KCND2: variants seen among roughly 807,000 people sequenced by gnomAD.
KCND2 encodes the protein potassium voltage-gated channel subfamily D member 2.
A neutral mutation model predicts 54.4 loss-of-function variants in KCND2; 16 were observed. That is an observed-to-expected ratio of 0.29 (90% CI 0.20 to 0.45). KCND2 has a LOEUF of 0.45. Among genes scored for constraint, KCND2 ranks in the 20% least tolerant of loss-of-function variants. The pLI, the probability that KCND2 is intolerant of heterozygous loss-of-function variation, is 1.00. For missense variants in KCND2, 486 were observed against 824.2 expected, an observed-to-expected ratio of 0.59 and a Z score of 5.02; for synonymous variants, 317 against 310.7, an observed-to-expected ratio of 1.02 and a Z score of -0.21.
rs1233162089 is a variant in KCND2, at chr7:120,273,256, G to A, written c.-1377G>A. ...TGATCGCACTAGCAGAGCAGCGCGGGGAGCCCGGGGAGATGCAGGACCACC... is the reference window on the plus strand; with the variant it reads ...TGATCGCACTAGCAGAGCAGCGCGGAGAGCCCGGGGAGATGCAGGACCACC... On this transcript the variant is annotated 5_prime_UTR_variant, in exon 1 of 6. Coordinates refer to ENST00000331113, the MANE Select transcript of KCND2 (RefSeq NM_012281.3). 3.9e-5 allele frequency among the ~76,000 whole-genome samples: 6 copies of A among 151,900 alleles called. No individual in the cohort carries two copies. Among genetic ancestry groups the A allele is most frequent in the African/African-American group, 9.6e-5 (4 of 41,530 alleles).
chr7:120,360,217 A>T (rs1800573620), intron 1 of KCND2, among the ~76,000 whole-genome samples: 1 of 152,056 alleles, frequency 6.6e-6, no homozygotes, highest in South Asian at 2.1e-4. Flanking sequence ...AATTTACTGA[A>T]CTTTATTATC....
At chr7:120,538,906 A>G (rs190313218) in intron 1 of KCND2, among the ~76,000 whole-genome samples, 1 of 152,248 alleles carries the variant, frequency 6.6e-6, no homozygotes, top group Admixed American at 6.5e-5. Flanking sequence ...CTGTTTATTT[A>G]TTTAACTTAT....
chr7:120,330,883 A>T (rs1800057918), intron 1 of KCND2, among the ~76,000 whole-genome samples: 1 of 152,142 alleles, frequency 6.6e-6, no homozygotes. Context: ...CTTTAAAAAT[A>T]CCTTACAAAC....
intron 1 of KCND2, among the ~76,000 whole-genome samples, chr7:120,519,823 T>G (rs1030730307): frequency 2.0e-5 from 3 of 152,152 alleles, no homozygotes; most frequent in Non-Finnish European, 4.4e-5. Context: ...GTTTTTACAC[T>G]CGAGCCTGAT....
intron 1 of KCND2, among the ~76,000 whole-genome samples, chr7:120,664,378 A>G (rs1791900302): frequency 6.6e-6 from 1 of 152,002 alleles, no homozygotes. Flanking sequence ...GACTAATCCA[A>G]ATTTGTATCT....
chr7:120,435,612 C>T (rs1319483897), intron 1 of KCND2, among the ~76,000 whole-genome samples: 2 of 151,834 alleles, frequency 1.3e-5, no homozygotes, highest in African/African-American at 4.8e-5. Flanking sequence ...ATTAATTGTG[C>T]ATTTATACAA....
At chr7:120,346,267 T>C (rs1401812701) in intron 1 of KCND2, among the ~76,000 whole-genome samples, 4 of 152,150 alleles carry the variant, frequency 2.6e-5, no homozygotes, top group African/African-American at 4.8e-5. Context: ...GCAAATATTT[T>C]CTCCCATTTT....
chr7:120,583,317 A>C (rs1792543798), intron 1 of KCND2, among the ~76,000 whole-genome samples: 1 of 151,984 alleles, frequency 6.6e-6, no homozygotes, highest in South Asian at 2.1e-4. Context: ...TTTCTATTCA[A>C]ATATTGATTT....
intron 1 of KCND2, among the ~76,000 whole-genome samples, chr7:120,447,075 A>G (rs1023322152): frequency 6.6e-6 from 1 of 152,180 alleles, no homozygotes; most frequent in African/African-American, 2.4e-5. Flanking sequence ...GAGGAAAGTA[A>G]AAGCCCAATA....
chr7:120,336,361 T>C (rs1563013733), intron 1 of KCND2, among the ~76,000 whole-genome samples: 1 of 152,188 alleles, frequency 6.6e-6, no homozygotes, highest in Non-Finnish European at 1.5e-5. Context: ...TATTTTTCTT[T>C]TTAGGGTCAT....
chr7:120,370,909 T>C (rs999343196), intron 1 of KCND2, among the ~76,000 whole-genome samples: 6 of 152,088 alleles, frequency 3.9e-5, no homozygotes, highest in Admixed American at 1.3e-4. Flanking sequence ...CTGGTAAGTG[T>C]TGACAGTGCT....
chr7:120,342,720 A>G (rs1563015816), intron 1 of KCND2, among the ~76,000 whole-genome samples: 1 of 152,126 alleles, frequency 6.6e-6, no homozygotes, highest in East Asian at 1.9e-4. Context: ...GCATAAAATG[A>G]TTATTTAGAG....
chr7:120,288,017 C>G (rs1799373057), intron 1 of KCND2, among the ~76,000 whole-genome samples: 1 of 152,072 alleles, frequency 6.6e-6, no homozygotes. Context: ...TCAGAGATAA[C>G]AATCATTAGT....
intron 1 of KCND2, among the ~76,000 whole-genome samples, chr7:120,566,007 G>A (rs539336791): frequency 2.0e-5 from 3 of 152,092 alleles, no homozygotes; most frequent in South Asian, 2.1e-4. Context: ...AGACCACAAC[G>A]CCTATCTTCA....
intron 1 of KCND2, among the ~76,000 whole-genome samples, chr7:120,659,920 A>T (rs1791846020): frequency 6.6e-6 from 1 of 152,174 alleles, no homozygotes. Flanking sequence ...TCAAGAGTCA[A>T]ATTTAATTAA....
At chr7:120,456,823 G>T (rs916249960) in intron 1 of KCND2, among the ~76,000 whole-genome samples, 3 of 152,196 alleles carry the variant, frequency 2.0e-5, no homozygotes, top group Non-Finnish European at 2.9e-5. Flanking sequence ...TGAGGACTCT[G>T]TGTGGGGGCT....
At chr7:120,579,354 C>T (rs967834073) in intron 1 of KCND2, among the ~76,000 whole-genome samples, 6 of 151,790 alleles carry the variant, frequency 4.0e-5, no homozygotes, top group South Asian at 2.1e-4. Context: ...CCTGTTATCC[C>T]AGCACTTTGG....
chr7:120,303,106 A>T (rs1192763004), intron 1 of KCND2, among the ~76,000 whole-genome samples: 3 of 150,838 alleles, frequency 2.0e-5, no homozygotes, highest in African/African-American at 4.9e-5. Context: ...CAGTTGTTAT[A>T]AAAAAAAAGG....
chr7:120,745,595 A>G (rs1461149379), intron 4 of KCND2, among the ~76,000 whole-genome samples, 185 bp from the exon 5 acceptor site: 1 of 152,158 alleles, frequency 6.6e-6, no homozygotes, highest in East Asian at 1.9e-4. Flanking sequence ...AACTACAGAG[A>G]TAGTTCCACA....
Sources: allele counts gnomAD v4.1 joint callset (sites outside exome capture counted in the v4.1 genomes callset), GRCh38; gene constraint gnomAD v4.1.1; transcripts MANE v1.5; gene names NCBI Gene and HGNC (gene_info 2026-07-23, HGNC 2026-07-21).